Variants in CYFIP1 observed in about 807,000 individuals in gnomAD.
CYFIP1 encodes the protein cytoplasmic FMR1 interacting protein 1.
Under a neutral mutation model 163.5 loss-of-function variants are expected in CYFIP1, and 58 were observed. The observed-to-expected ratio is 0.35, with a 90% CI of 0.29 to 0.44. The LOEUF (loss-of-function observed/expected upper bound fraction) is 0.44. CYFIP1 is among the 20% of genes least tolerant of loss of function. The pLI, the probability that CYFIP1 is intolerant of heterozygous loss-of-function variation, is 1.00. For synonymous variants in CYFIP1, 663 were observed against 660.7 expected, an observed-to-expected ratio of 1.00 and a Z score of -0.05; for missense variants, 1,338 against 1,653.8, an observed-to-expected ratio of 0.81 and a Z score of 3.31.
chr15:22,949,006 A>G (rs2062154788), intron 1 of CYFIP1, among the ~76,000 whole-genome samples: 1 of 93,512 alleles, frequency 1.1e-5, no homozygotes, highest in African/African-American at 3.0e-5. Flanking sequence ...AAAACAGCTG[A>G]AAAAAATGAC....
chr15:22,921,970 C>A (rs1357681810), intron 13 of CYFIP1, among the ~76,000 whole-genome samples: 1 of 152,058 alleles, frequency 6.6e-6, no homozygotes, highest in Non-Finnish European at 1.5e-5. Flanking sequence ...GGGGAAAGAT[C>A]ATCTTTTCAA....
chr15:22,872,283 G>A (rs777821185), intron 30 of CYFIP1, among the ~76,000 whole-genome samples: 9 of 116,536 alleles, frequency 7.7e-5, no homozygotes, highest in South Asian at 3.1e-4. Flanking sequence ...CAACAAGAGC[G>A]AAACTGTCTC....
chr15:22,869,722 GA>G lies in CYFIP1; in HGVS notation c.*305del. 4.4e-6 allele frequency: 1 copy of G among 226,476 alleles called. No homozygotes were observed. The highest frequency in any genetic ancestry group is 8.5e-6 in the Non-Finnish European group (1 of 117,946). 14.0% of individuals were successfully genotyped at this position (226,476 alleles called of 1,614,324 possible). ...ATTTGCTGGTATTAAGTTTCTTATG[GA>G]ATGAATGAATGAACCCAGCAGCATT... is the stretch of plus-strand genomic sequence containing the variant. On this transcript the variant is annotated 3_prime_UTR_variant, in exon 31 of 31. Transcript: ENST00000617928.
intron 26 of CYFIP1, 178 bp from the exon 27 acceptor site, chr15:22,875,449 G>A (rs961588187): frequency 1.4e-5 from 9 of 639,014 alleles, no homozygotes; most frequent in South Asian, 9.4e-5. Flanking sequence ...TGTCCATTCC[G>A]GCAGCCGCCA....
chr15:22,956,861 G>A (rs1403450964), intron 1 of CYFIP1, among the ~76,000 whole-genome samples: 2 of 152,242 alleles, frequency 1.3e-5, no homozygotes, highest in African/African-American at 2.4e-5. Context: ...CCCTGGCCAC[G>A]GAGGGACCTT....
chr15:22,944,521 C>T (rs778195580), intron 5 of CYFIP1, 37 bp downstream of exon 5: 24 of 1,417,466 alleles, frequency 1.7e-5, no homozygotes, highest in Admixed American at 1.0e-4. Context: ...ACCCACCCCT[C>T]GGTGTTACAC....
At chr15:22,951,937 G>A (rs1047619914) in intron 1 of CYFIP1, among the ~76,000 whole-genome samples, 3 of 151,578 alleles carry the variant, frequency 2.0e-5, no homozygotes, top group African/African-American at 7.3e-5. Flanking sequence ...ACCAGATAAC[G>A]CAGCTTGTTG....
At chr15:22,943,981 G>A (rs553324391) in intron 5 of CYFIP1, among the ~76,000 whole-genome samples, 1 of 152,202 alleles carries the variant, frequency 6.6e-6, no homozygotes, top group African/African-American at 2.4e-5. Flanking sequence ...GCTCACACCT[G>A]TAATCTCAGC....
chr15:22,871,958 C>T (rs1324366619), intron 30 of CYFIP1, among the ~76,000 whole-genome samples: 3 of 152,160 alleles, frequency 2.0e-5, no homozygotes, highest in Non-Finnish European at 2.9e-5. Context: ...GGTATTTAAA[C>T]TGCCAAGCCT....
rs2060470892 is a variant in CYFIP1 at position 22,903,626 on chromosome 15, T to C, written c.2588+80A>G. On this transcript the variant is annotated intron_variant, in intron 22 of 30. Coordinates refer to ENST00000617928, the MANE Select transcript of CYFIP1 (RefSeq NM_014608.6). ...CAGCAAGAGCAGGGAGACAGGGACC[T>C]GGTGACATGGAGGAAGCCTGCGGGG... 3 of 1,437,826 alleles carry C rather than the reference T, an allele frequency of 2.1e-6. No individual in the cohort carries two copies. In the South Asian group the frequency reaches 3.5e-5, roughly 17 times the overall value. The allele number at this position is 1,437,826 out of a possible 1,614,324, so 89.1% of individuals were successfully genotyped here.
At chr15:22,884,002 AACTC>A (rs2059860403) in intron 23 of CYFIP1, among the ~76,000 whole-genome samples, 1 of 152,184 alleles carries the variant, frequency 6.6e-6, no homozygotes, top group South Asian at 2.1e-4. Context: ...ATCTCGTGAG[AACTC>A]ACTCACTATC....
intron 1 of CYFIP1, among the ~76,000 whole-genome samples, chr15:22,956,714 G>T (rs138317572): frequency 3.3e-5 from 5 of 152,142 alleles, no homozygotes; most frequent in Non-Finnish European, 5.9e-5. Context: ...ATGGCCCCAC[G>T]GCCCCACTGC....
At chr15:22,880,954 G>A (rs1195979946) in intron 25 of CYFIP1, among the ~76,000 whole-genome samples, 3 of 152,096 alleles carry the variant, frequency 2.0e-5, no homozygotes, top group African/African-American at 4.8e-5. Context: ...CTCTAGTCAC[G>A]ACATAAGCAT....
intron 1 of CYFIP1, among the ~76,000 whole-genome samples, chr15:22,959,243 G>A (rs928320327): frequency 6.6e-6 from 1 of 152,162 alleles, no homozygotes; most frequent in African/African-American, 2.4e-5. Context: ...AGTGCTCCTC[G>A]ACGACGGCCA....
chr15:22,927,797 T>C, intron 12 of CYFIP1, 109 bp downstream of exon 12: 1 of 1,114,190 alleles, frequency 9.0e-7, no homozygotes. Flanking sequence ...CTGATAGATA[T>C]TCTCGTCTTT....
intron 1 of CYFIP1, among the ~76,000 whole-genome samples, chr15:22,971,190 T>C (rs995160456): frequency 6.6e-6 from 1 of 152,190 alleles, no homozygotes; most frequent in Non-Finnish European, 1.5e-5. Flanking sequence ...AAATGCTTCA[T>C]GACATCAGAT....
At chr15:22,960,879 C>A (rs2062654777) in intron 1 of CYFIP1, among the ~76,000 whole-genome samples, 2 of 152,178 alleles carry the variant, frequency 1.3e-5, no homozygotes, top group African/African-American at 2.4e-5. Context: ...GGGCCAGGTG[C>A]CCTCCTACGG....
chr15:22,963,826 C>T (rs1296715545), intron 1 of CYFIP1, among the ~76,000 whole-genome samples: 1 of 152,146 alleles, frequency 6.6e-6, no homozygotes, highest in Non-Finnish European at 1.5e-5. Context: ...TTTTAACCCC[C>T]AGTTGTGAGA....
chr15:22,887,057 T>G (rs2059944634), intron 23 of CYFIP1, among the ~76,000 whole-genome samples: 1 of 152,214 alleles, frequency 6.6e-6, no homozygotes, highest in Non-Finnish European at 1.5e-5. Flanking sequence ...TGCTCTGAAG[T>G]TGATTTTATC....
Sources: gnomAD v4.1 joint callset for allele counts (sites outside exome capture counted in the v4.1 genomes callset) on GRCh38, gnomAD v4.1.1 for gene constraint, MANE v1.5 for transcripts, NCBI Gene and HGNC (gene_info 2026-07-23, HGNC 2026-07-21) for gene names.